Variants in DOCK8 observed in about 807,000 individuals in gnomAD.
DOCK8 encodes dedicator of cytokinesis protein 8.
A neutral mutation model predicts 245.6 loss-of-function variants in DOCK8; 141 were observed. The ratio of observed to expected loss-of-function variants is 0.57; its 90% CI spans 0.50 to 0.66. The LOEUF (loss-of-function observed/expected upper bound fraction) is 0.66. DOCK8 is among the 30% of genes least tolerant of loss of function. The pLI is 0.00. For synonymous variants in DOCK8, 1,168 were observed against 970.2 expected (o/e 1.20, Z -3.79); for missense variants, 2,965 against 2,603.4 (o/e 1.14, Z -3.02).
chr9:440,255 A>T (rs1273332835), intron 40 of DOCK8, among the ~76,000 whole-genome samples: 1 of 152,156 alleles, frequency 6.6e-6, no homozygotes, highest in Non-Finnish European at 1.5e-5. Flanking sequence ...CCTGGCCTCA[A>T]GTGATCTGCC....
At chr9:322,576 T>C (rs560420929) in intron 7 of DOCK8, among the ~76,000 whole-genome samples, 1 of 151,118 alleles carries the variant, frequency 6.6e-6, no homozygotes, top group South Asian at 2.1e-4. Flanking sequence ...TACGCTGTAG[T>C]TGTGTAAAGA....
rs139990627 is a variant in DOCK8 at position 439,372 on chromosome 9, C to T, written c.5207C>T (p.Ala1736Val). 5.5e-5 allele frequency: 88 copies of T among 1,613,408 alleles called. No individual in the cohort carries two copies. In the African/African-American group the frequency reaches 8.7e-4, roughly 16 times the overall value. ...CTGGTAGGCCTCCTGGAGCAGGCCG[C>T]GGAGCTCTTCAGCACGGTCAGTGCC... is the stretch of plus-strand genomic sequence containing the variant. ...SGLVGLLEQA[A>V]ELFSTGGLYE... Residue 1736 changes from alanine (A) to valine (V), a missense_variant, in exon 40 of 48, where the codon GCG becomes GTG. This residue lies in a region of DOCK8 where 2,825 missense variants were observed against 2,453.5 expected (regional missense o/e 1.15). Transcript: ENST00000432829.
At chr9:356,557 G>C (rs1041703684) in intron 14 of DOCK8, among the ~76,000 whole-genome samples, 1 of 151,018 alleles carries the variant, frequency 6.6e-6, no homozygotes, top group African/African-American at 2.4e-5. Flanking sequence ...AAAAAATTTG[G>C]TTTGGGTCCC....
At chr9:416,509 G>A (rs745462990) in intron 29 of DOCK8, among the ~76,000 whole-genome samples, 2 of 152,124 alleles carry the variant, frequency 1.3e-5, no homozygotes, top group East Asian at 1.9e-4. Flanking sequence ...TTGTATATGC[G>A]TTGAACTTTA....
At chr9:334,081 T>G in intron 10 of DOCK8, 144 bp from the exon 11 acceptor site, 1 of 895,774 alleles carries the variant, frequency 1.1e-6, no homozygotes, top group Non-Finnish European at 1.7e-6. Context: ...TATTCACTGT[T>G]TTTATTTTTT....
intron 14 of DOCK8, among the ~76,000 whole-genome samples, chr9:354,070 G>T (rs373733561): frequency 6.6e-6 from 1 of 152,114 alleles, no homozygotes; most frequent in Admixed American, 6.5e-5. Flanking sequence ...GGTGGCTCAC[G>T]CCTGTAATCC....
intron 28 of DOCK8, among the ~76,000 whole-genome samples, chr9:410,510 A>T (rs924841937): frequency 6.6e-6 from 1 of 152,222 alleles, no homozygotes; most frequent in African/African-American, 2.4e-5. Flanking sequence ...AGCTGCCGTG[A>T]ACATGCCTGT....
At chr9:407,939 A>G (rs930825991) in intron 28 of DOCK8, among the ~76,000 whole-genome samples, 2 of 152,170 alleles carry the variant, frequency 1.3e-5, no homozygotes, top group Admixed American at 6.5e-5. Context: ...TGGTGTTTAG[A>G]TTAGGCATAC....
In DOCK8 at chr9:425,470, T is replaced by C. The variant is rs533157276; in HGVS notation, c.4242-1415T>C. On this transcript the variant is annotated intron_variant, in intron 33 of 47. Coordinates refer to ENST00000432829, the MANE Select transcript of DOCK8 (RefSeq NM_203447.4). ...TGGCGTGAACCCGGGAAGTGGAGCT[T>C]GCGGTGAGCCAAGATTGCGCCACTG... Among the ~76,000 whole-genome samples the C allele has an allele frequency of 8.9e-5, 13 of 146,362 alleles. No homozygotes were observed. The East Asian group carries it at 2.6e-3, about 29-fold the overall frequency.
At chr9:376,418 C>T (rs2053517682) in intron 19 of DOCK8, 113 bp downstream of exon 19, 2 of 833,548 alleles carry the variant, frequency 2.4e-6, no homozygotes, top group East Asian at 2.5e-5. Flanking sequence ...TAAAAAATAA[C>T]CCTTTAGTTC....
intron 7 of DOCK8, among the ~76,000 whole-genome samples, chr9:318,673 G>C (rs148719197): frequency 6.6e-6 from 1 of 152,206 alleles, no homozygotes; most frequent in African/African-American, 2.4e-5. Context: ...CAAGTAATGG[G>C]CACAGAAAAG....
At chr9:237,253 C>T (rs1359424887) in intron 1 of DOCK8, among the ~76,000 whole-genome samples, 1 of 152,212 alleles carries the variant, frequency 6.6e-6, no homozygotes, top group East Asian at 1.9e-4. Context: ...CAAACAAGTA[C>T]AGCTGAAGCA....
intron 1 of DOCK8, among the ~76,000 whole-genome samples, chr9:247,198 C>T (rs1284057687): frequency 2.0e-5 from 3 of 152,164 alleles, no homozygotes; most frequent in Non-Finnish European, 4.4e-5. Flanking sequence ...ACACCTGATA[C>T]ACAGAAAGAA....
rs754154365 is a variant in DOCK8 at position 414,777 on chromosome 9, A to T, written c.3531-5A>T. 1.5e-5 allele frequency: 24 copies of T among 1,614,088 alleles called. No individual in the cohort carries two copies. The South Asian group carries it at 2.5e-4, about 17-fold the overall frequency. On this transcript the variant is annotated splice_polypyrimidine_tract_variant and splice_region_variant and intron_variant, in intron 28 of 47. Transcript: ENST00000432829. ...AACCTCTTGATTCCTGTGTTGTGCC[A>T]ACAGAATCAGCAAAGTACAAAGGAA...
At chr9:400,034 C>CCAT (rs1308908218) in intron 26 of DOCK8, among the ~76,000 whole-genome samples, 17 of 91,958 alleles carry the variant, frequency 1.8e-4, no homozygotes, top group African/African-American at 6.8e-4. Context: ...TCCACCATCA[C>CCAT]CACCACCACC....
intron 26 of DOCK8, among the ~76,000 whole-genome samples, chr9:399,972 TCCACCA>T: frequency 7.0e-6 from 1 of 143,216 alleles, no homozygotes; most frequent in East Asian, 2.1e-4. Flanking sequence ...CACCACCTTC[TCCACCA>T]TCACCACCTC....
intron 22 of DOCK8, among the ~76,000 whole-genome samples, chr9:383,657 A>G (rs1380733121): frequency 1.0e-4 from 14 of 135,694 alleles, no homozygotes; most frequent in African/African-American, 3.3e-4. Flanking sequence ...CCGAGATTGC[A>G]CCACTGCACT....
chr9:221,889 T>A (rs116680764), intron 1 of DOCK8, among the ~76,000 whole-genome samples: 2,080 of 152,036 alleles, frequency 0.014, 51 homozygotes, highest in African/African-American at 0.047. Context: ...ATAATTTACA[T>A]AGGCTGTATA....
Position 428,538 on chromosome 9 carries a change from A to G in DOCK8, c.4473+42A>G, listed in dbSNP as rs377600545. Reference sequence around the variant, plus strand: ...TGTTTTCTTCCTCTTAATTAAGAGTAAGATTCTCATCTAGCTTCATACTTC... The same window carrying G: ...TGTTTTCTTCCTCTTAATTAAGAGTGAGATTCTCATCTAGCTTCATACTTC... On this transcript the variant is annotated intron_variant, in intron 35 of 47. Transcript: ENST00000432829. 250 of 1,611,968 alleles carry G rather than the reference A, an allele frequency of 1.6e-4. 1 individual carries two copies. The highest frequency in any genetic ancestry group is 2.1e-4 in the Non-Finnish European group (243 of 1,178,594).
Sources: gnomAD v4.1 joint callset for allele counts (sites outside exome capture counted in the v4.1 genomes callset) on GRCh38, gnomAD v4.1.1 for gene constraint, gnomAD v4.1.1 regional missense constraint, MANE v1.5 for transcripts, NCBI Gene and HGNC (gene_info 2026-07-23, HGNC 2026-07-21) for gene names.